CPVL: variants seen among roughly 807,000 people sequenced by gnomAD.
The protein encoded by CPVL is carboxypeptidase vitellogenic like.
Under a neutral mutation model 63.7 loss-of-function variants are expected in CPVL, and 51 were observed. That is an observed-to-expected ratio of 0.80 (90% CI 0.64 to 1.01). The LOEUF is 1.01. CPVL is among the 50% of genes least tolerant of loss of function. The pLI is 0.00. For missense variants in CPVL, 530 were observed against 573.1 expected (o/e 0.92, Z 0.77); for synonymous variants, 195 against 206.0 (o/e 0.95, Z 0.46).
chr7:29,031,681 T>TTA (rs1397112008), intron 11 of CPVL, among the ~76,000 whole-genome samples: 6 of 152,046 alleles, frequency 3.9e-5, no homozygotes. Flanking sequence ...TTTTAAAAAA[T>TTA]TATATATATT....
At chr7:29,099,094 T>C (rs1786778524) in intron 3 of CPVL, among the ~76,000 whole-genome samples, 1 of 151,810 alleles carries the variant, frequency 6.6e-6, no homozygotes, top group Admixed American at 6.6e-5. Context: ...ATAAATAAAA[T>C]AAAAATTGAA....
intron 5 of CPVL, among the ~76,000 whole-genome samples, chr7:29,180,450 C>A (rs968739149): frequency 6.6e-6 from 1 of 151,886 alleles, no homozygotes; most frequent in Non-Finnish European, 1.5e-5. Context: ...TCACTTGAAC[C>A]TAGGAGGCGG....
intron 5 of CPVL, among the ~76,000 whole-genome samples, chr7:29,179,341 C>G (rs914486176): frequency 3.9e-5 from 6 of 152,344 alleles, no homozygotes; most frequent in Admixed American, 2.6e-4. Flanking sequence ...TAGATCAGTT[C>G]TGCCTTCCTT....
chr7:29,173,948 T>TA (rs1796933939), intron 5 of CPVL, among the ~76,000 whole-genome samples: 2 of 142,544 alleles, frequency 1.4e-5, no homozygotes, highest in Non-Finnish European at 1.5e-5. Context: ...GGAGACTGAC[T>TA]CAAAAAAAAA....
intron 1 of CPVL, among the ~76,000 whole-genome samples, chr7:29,122,975 A>G (rs1375886082): frequency 6.6e-6 from 1 of 152,156 alleles, no homozygotes; most frequent in Non-Finnish European, 1.5e-5. Context: ...CACTCCTGCT[A>G]TTTAAGCATG....
At chr7:29,112,426 A>G (rs888765030) in intron 3 of CPVL, among the ~76,000 whole-genome samples, 1 of 152,200 alleles carries the variant, frequency 6.6e-6, no homozygotes, top group Non-Finnish European at 1.5e-5. Context: ...TAGGAAGAAG[A>G]CTGTGGCAGG....
At chr7:29,124,643 T>C (rs1292706762) in intron 1 of CPVL, among the ~76,000 whole-genome samples, 1 of 152,110 alleles carries the variant, frequency 6.6e-6, no homozygotes, top group African/African-American at 2.4e-5. Flanking sequence ...TAAGTTACTA[T>C]ATACCAAAAA....
intron 5 of CPVL, among the ~76,000 whole-genome samples, chr7:29,174,886 G>T (rs1464543943): frequency 1.3e-5 from 2 of 151,014 alleles, no homozygotes; most frequent in East Asian, 3.9e-4. Context: ...AGAATTTTTA[G>T]AGAGATACAG....
At chr7:29,191,726 A>C (rs1351535882) in intron 1 of CPVL, 2 of 152,258 alleles carry the variant, frequency 1.3e-5, no homozygotes, top group Admixed American at 6.5e-5. Flanking sequence ...TTTCTGTAGC[A>C]CCAATATTCT....
intron 12 of CPVL, chr7:29,010,170 G>A (rs920861442): frequency 2.6e-5 from 4 of 151,936 alleles, no homozygotes; most frequent in Admixed American, 2.6e-4. Flanking sequence ...CTAAACCTTG[G>A]GACTCTGGTT....
chr7:29,001,998 A>G (rs933382486), intron 12 of CPVL, among the ~76,000 whole-genome samples: 16 of 152,218 alleles, frequency 1.1e-4, no homozygotes, highest in African/African-American at 3.6e-4. Context: ...CCAAGCCTTG[A>G]GAGAGGCCAT....
chr7:29,144,320 G>A (rs1482639133), intron 1 of CPVL, among the ~76,000 whole-genome samples: 2 of 151,034 alleles, frequency 1.3e-5, no homozygotes, highest in East Asian at 1.9e-4. Flanking sequence ...CAGCACTTTG[G>A]AAGGCCGAGG....
intron 11 of CPVL, among the ~76,000 whole-genome samples, chr7:29,059,432 T>A (rs1791055840): frequency 6.6e-6 from 1 of 152,158 alleles, no homozygotes; most frequent in Non-Finnish European, 1.5e-5. Flanking sequence ...ACTCTGACAT[T>A]CATGCAAAAA....
chr7:28,998,749 G>A (rs1318133573), intron 12 of CPVL, among the ~76,000 whole-genome samples: 1 of 152,096 alleles, frequency 6.6e-6, no homozygotes, highest in Non-Finnish European at 1.5e-5. Context: ...GCTACAGTGA[G>A]CTGACTGAGC....
intron 12 of CPVL, among the ~76,000 whole-genome samples, chr7:29,023,462 G>A (rs950738639): frequency 7.9e-5 from 12 of 152,070 alleles, no homozygotes; most frequent in South Asian, 6.2e-4. Flanking sequence ...ACCTCCCACC[G>A]GGTCCCTTCC....
At chr7:29,189,345 T>C (rs1217519012) in intron 1 of CPVL, among the ~76,000 whole-genome samples, 2 of 152,104 alleles carry the variant, frequency 1.3e-5, no homozygotes, top group Non-Finnish European at 2.9e-5. Flanking sequence ...AATGAATGCT[T>C]GAATAAATGA....
intron 5 of CPVL, among the ~76,000 whole-genome samples, chr7:29,168,970 A>G (rs1023378989): frequency 3.3e-5 from 5 of 152,242 alleles, no homozygotes; most frequent in African/African-American, 1.2e-4. Flanking sequence ...TAAATGTATA[A>G]TAAATTCTAT....
chr7:29,064,127 C>G lies in CPVL; in HGVS notation c.1071G>C (p.Lys357Asn). 1 of 1,613,520 alleles carries G rather than the reference C, an allele frequency of 6.2e-7. No homozygotes were observed. The highest frequency in any genetic ancestry group is 8.5e-7 in the Non-Finnish European group (1 of 1,179,460). ...QTFNDGTIVEKYLREDTVQSV... is the reference protein window; with the variant it reads ...QTFNDGTIVENYLREDTVQSV... ...ACTGTACTGTATCTTCTCGCAAGTA[C>G]TTTTCAACTATAGTTCCATCATTAA... The change falls in exon 11 of 13, where the codon AAG becomes AAC. Residue 357 changes from lysine (K) to asparagine (N), a missense_variant. Transcript: ENST00000265394.
At chr7:29,155,946 G>T (rs1023002650) in intron 5 of CPVL, among the ~76,000 whole-genome samples, 1 of 152,194 alleles carries the variant, frequency 6.6e-6, no homozygotes, top group Non-Finnish European at 1.5e-5. Context: ...AGACGGCCAC[G>T]TGCTCTTGCA....
Sources: gnomAD v4.1 joint callset for allele counts (sites outside exome capture counted in the v4.1 genomes callset) on GRCh38, gnomAD v4.1.1 for gene constraint, MANE v1.5 for transcripts, NCBI Gene and HGNC (gene_info 2026-07-23, HGNC 2026-07-21) for gene names.